Variants in SNTG1 observed in about 807,000 individuals in gnomAD.
The protein encoded by SNTG1 is syntrophin gamma 1.
A neutral mutation model predicts 74.7 loss-of-function variants in SNTG1; 39 were observed. That is an observed-to-expected ratio of 0.52 (90% CI 0.40 to 0.68). SNTG1 has a LOEUF of 0.68. SNTG1 is among the 30% of genes least tolerant of loss of function. SNTG1 has a pLI of 0.00. For missense variants in SNTG1, 685 were observed against 609.5 expected (o/e 1.12, Z -1.30); for synonymous variants, 254 against 217.1 (o/e 1.17, Z -1.49).
intron 8 of SNTG1, among the ~76,000 whole-genome samples, chr8:50,481,651 A>G (rs1461287495): frequency 2.0e-5 from 3 of 152,180 alleles, no homozygotes; most frequent in Non-Finnish European, 2.9e-5. Flanking sequence ...TTGGATTTCT[A>G]TTACTCTAGA....
intron 2 of SNTG1, among the ~76,000 whole-genome samples, chr8:50,260,751 A>AAC (rs767827458): frequency 5.3e-5 from 8 of 151,600 alleles, no homozygotes; most frequent in Non-Finnish European, 8.8e-5. Flanking sequence ...CAATTCTAAA[A>AAC]AAAAAAAAAC....
At chr8:50,308,056 G>A (rs1012470450) in intron 2 of SNTG1, among the ~76,000 whole-genome samples, 1 of 151,640 alleles carries the variant, frequency 6.6e-6, no homozygotes, top group African/African-American at 2.4e-5. Flanking sequence ...AGCTTTGACT[G>A]GACAGTAAGT....
intron 1 of SNTG1, among the ~76,000 whole-genome samples, chr8:50,149,663 T>G (rs1315079856): frequency 3.9e-5 from 6 of 152,142 alleles, no homozygotes; most frequent in Admixed American, 3.9e-4. Flanking sequence ...TTTCCCCATT[T>G]CTTGTTTTTG....
In SNTG1 at chr8:50,228,670, C is replaced by A. The variant is rs138498515; in HGVS notation, c.-28+56035C>A. ...AAAAATTACACTGACTTACCGTTCTCTATGTTCTGCAAAACTATCCTTTGA... is the reference window on the plus strand; with the variant it reads ...AAAAATTACACTGACTTACCGTTCTATATGTTCTGCAAAACTATCCTTTGA... On this transcript the variant is annotated intron_variant, in intron 2 of 18. Coordinates refer to ENST00000642720, the MANE Select transcript of SNTG1 (RefSeq NM_018967.5). Among the ~76,000 whole-genome samples the A allele has an allele frequency of 2.9e-3, 440 of 151,922 alleles. 2 individuals are homozygous for A. Among genetic ancestry groups the A allele is most frequent in the African/African-American group, 9.8e-3 (406 of 41,544 alleles).
chr8:50,469,657 A>G (rs571067727), intron 8 of SNTG1, among the ~76,000 whole-genome samples: 1 of 152,132 alleles, frequency 6.6e-6, no homozygotes, highest in Non-Finnish European at 1.5e-5. Flanking sequence ...TTCATGGTTT[A>G]GATTCTTGTC....
At chr8:50,137,201 G>A (rs2081502385) in intron 1 of SNTG1, among the ~76,000 whole-genome samples, 1 of 152,214 alleles carries the variant, frequency 6.6e-6, no homozygotes, top group African/African-American at 2.4e-5. Flanking sequence ...TATTTGGTGA[G>A]ATTTGAAAGT....
At chr8:49,972,146 T>G (rs1386380031) in intron 1 of SNTG1, among the ~76,000 whole-genome samples, 1 of 152,190 alleles carries the variant, frequency 6.6e-6, no homozygotes, top group Non-Finnish European at 1.5e-5. Flanking sequence ...CAAAACAGCA[T>G]GGTACTGGTA....
At chr8:50,185,810 C>T (rs1182828342) in intron 2 of SNTG1, among the ~76,000 whole-genome samples, 1 of 151,210 alleles carries the variant, frequency 6.6e-6, no homozygotes, top group Non-Finnish European at 1.5e-5. Flanking sequence ...TAATATAACA[C>T]TATTGTTTTT....
At chr8:50,295,543 C>T (rs1385180708) in intron 2 of SNTG1, among the ~76,000 whole-genome samples, 1 of 152,092 alleles carries the variant, frequency 6.6e-6, no homozygotes, top group Non-Finnish European at 1.5e-5. Flanking sequence ...CAGTTGCCAT[C>T]ACAGATATGT....
intron 2 of SNTG1, among the ~76,000 whole-genome samples, chr8:50,285,949 TA>T (rs2088754374): frequency 6.6e-6 from 1 of 152,182 alleles, no homozygotes; most frequent in Non-Finnish European, 1.5e-5. Flanking sequence ...CATGCTACTT[TA>T]TTTCTTTTTC....
chr8:50,221,677 T>A (rs1450749486), intron 2 of SNTG1, among the ~76,000 whole-genome samples: 1 of 152,120 alleles, frequency 6.6e-6, no homozygotes, highest in East Asian at 1.9e-4. Flanking sequence ...AAAAATATAT[T>A]TTTTATTGGA....
intron 4 of SNTG1, among the ~76,000 whole-genome samples, chr8:50,412,931 C>T (rs2092968016): frequency 6.6e-6 from 1 of 152,092 alleles, no homozygotes; most frequent in Non-Finnish European, 1.5e-5. Flanking sequence ...GTAGGAAAAT[C>T]AGGTTTTAGA....
At chr8:50,753,442 T>G (rs2095572601) in intron 18 of SNTG1, among the ~76,000 whole-genome samples, 1 of 151,988 alleles carries the variant, frequency 6.6e-6, no homozygotes, top group Non-Finnish European at 1.5e-5. Context: ...TTTATTCTGA[T>G]GGGGAACCTC....
intron 1 of SNTG1, among the ~76,000 whole-genome samples, chr8:50,154,000 G>T (rs1248010608): frequency 1.3e-5 from 2 of 152,178 alleles, no homozygotes; most frequent in African/African-American, 4.8e-5. Context: ...TGCCTCCAGA[G>T]GTGGAGTCTA....
At chr8:50,761,277 A>G (rs1405073080) in intron 18 of SNTG1, among the ~76,000 whole-genome samples, 1 of 151,874 alleles carries the variant, frequency 6.6e-6, no homozygotes, top group Non-Finnish European at 1.5e-5. Flanking sequence ...CGTTTTCCTG[A>G]TTCAGTCAGG....
At chr8:50,746,620 G>A (rs2095555664) in intron 17 of SNTG1, among the ~76,000 whole-genome samples, 2 of 151,472 alleles carry the variant, frequency 1.3e-5, no homozygotes, top group Non-Finnish European at 1.5e-5. Context: ...AAAGACATTA[G>A]GTTAAAACTA....
chr8:50,176,854 A>G (rs932286519), intron 2 of SNTG1, among the ~76,000 whole-genome samples: 2 of 152,150 alleles, frequency 1.3e-5, no homozygotes, highest in African/African-American at 4.8e-5. Context: ...TGTCTACCCT[A>G]GTAGGTATGA....
chr8:50,222,148 T>G (rs1338024725), intron 2 of SNTG1, among the ~76,000 whole-genome samples: 1 of 152,138 alleles, frequency 6.6e-6, no homozygotes, highest in Non-Finnish European at 1.5e-5. Context: ...CAGTCTTGGG[T>G]TCTAGACTAG....
At chr8:50,705,276 C>G (rs1174867886) in intron 16 of SNTG1, among the ~76,000 whole-genome samples, 1 of 152,048 alleles carries the variant, frequency 6.6e-6, no homozygotes, top group Non-Finnish European at 1.5e-5. Context: ...CTATCCTGTT[C>G]AAACAACTCT....
Sources: gnomAD v4.1 joint callset for allele counts (sites outside exome capture counted in the v4.1 genomes callset) on GRCh38, gnomAD v4.1.1 for gene constraint, MANE v1.5 for transcripts, NCBI Gene and HGNC (gene_info 2026-07-23, HGNC 2026-07-21) for gene names.